The following THSD7B variants were observed in gnomAD, a reference collection of about 807,000 sequenced individuals.
THSD7B encodes thrombospondin type 1 domain containing 7B, also known as thrombospondin type-1 domain-containing protein 7B.
Under a neutral mutation model 213.6 loss-of-function variants are expected in THSD7B, and 138 were observed. That is an observed-to-expected ratio of 0.65 (90% CI 0.56 to 0.74). The LOEUF (loss-of-function observed/expected upper bound fraction) is 0.74. Ranked by LOEUF, THSD7B falls within the 30% of genes least tolerant of loss-of-function variation. The pLI is 0.00. For synonymous variants in THSD7B, 742 were observed against 687.0 expected (o/e 1.08, Z -1.25); for missense variants, 1,931 against 1,991.5 (o/e 0.97, Z 0.58).
intron 20 of THSD7B, among the ~76,000 whole-genome samples, chr2:137,635,281 T>A (rs140821995): frequency 1.3e-5 from 2 of 152,314 alleles, no homozygotes; most frequent in East Asian, 1.9e-4. Flanking sequence ...TTCAGCATAT[T>A]GTCCATATTT....
chr2:137,293,427 C>T (rs1322664614), intron 12 of THSD7B, among the ~76,000 whole-genome samples: 1 of 152,096 alleles, frequency 6.6e-6, no homozygotes, highest in African/African-American at 2.4e-5. Flanking sequence ...GGGTGACCCA[C>T]CATGCTGGGT....
chr2:137,410,549 G>T (rs1686631453), intron 13 of THSD7B, among the ~76,000 whole-genome samples: 1 of 152,142 alleles, frequency 6.6e-6, no homozygotes, highest in Admixed American at 6.5e-5. Flanking sequence ...GATTACAGAT[G>T]TGAGCCACCA....
chr2:136,971,639 T>C (rs5834527), intron 2 of THSD7B, among the ~76,000 whole-genome samples: 9 of 135,354 alleles, frequency 6.6e-5, no homozygotes, highest in East Asian at 2.2e-4. Context: ...CAACAACAAA[T>C]ACACACACAC....
intron 14 of THSD7B, among the ~76,000 whole-genome samples, chr2:137,428,344 T>A (rs1687104282): frequency 6.6e-6 from 1 of 152,160 alleles, no homozygotes; most frequent in Admixed American, 6.5e-5. Flanking sequence ...TCTCATACAT[T>A]GCTCGTGAGA....
chr2:136,921,307 C>T (rs1684434629), intron 2 of THSD7B, among the ~76,000 whole-genome samples: 1 of 151,578 alleles, frequency 6.6e-6, no homozygotes, highest in South Asian at 2.1e-4. Context: ...CTATATATCT[C>T]TGGATATAAA....
chr2:136,943,567 T>C (rs1297644935), intron 2 of THSD7B, among the ~76,000 whole-genome samples: 1 of 152,220 alleles, frequency 6.6e-6, no homozygotes, highest in Non-Finnish European at 1.5e-5. Context: ...AAGCCTGTTA[T>C]TGGTCTATTC....
At chr2:137,523,388 CTT>C (rs1186804663) in intron 15 of THSD7B, among the ~76,000 whole-genome samples, 6 of 152,124 alleles carry the variant, frequency 3.9e-5, no homozygotes, top group Non-Finnish European at 8.8e-5. Flanking sequence ...TTAGGAGAAA[CTT>C]ATATATTACT....
In THSD7B at chr2:136,970,855, A is replaced by G. The variant is rs143288186; in HGVS notation, c.140-85565A>G. Reference sequence around the variant, plus strand: ...ACAAAGCAATGGGAATAAAGATGGCATTGGATTTCTGGATAGCAAGTTTGG... The same window carrying G: ...ACAAAGCAATGGGAATAAAGATGGCGTTGGATTTCTGGATAGCAAGTTTGG... On this transcript the variant is annotated intron_variant, in intron 2 of 27. Coordinates refer to ENST00000409968, the MANE Select transcript of THSD7B (RefSeq NM_001316349.2). Among the ~76,000 whole-genome samples the G allele has an allele frequency of 2.6e-5, 4 of 152,344 alleles. No individual in the cohort carries two copies. In the East Asian group the frequency reaches 7.7e-4, roughly 29 times the overall value.
intron 17 of THSD7B, among the ~76,000 whole-genome samples, chr2:137,598,131 T>G (rs543806956): frequency 2.0e-5 from 3 of 152,244 alleles, no homozygotes; most frequent in African/African-American, 7.2e-5. Context: ...TATGCACATA[T>G]GCATATTTTT....
intron 5 of THSD7B, among the ~76,000 whole-genome samples, chr2:137,157,871 G>A (rs1282795945): frequency 6.6e-6 from 1 of 152,210 alleles, no homozygotes; most frequent in East Asian, 1.9e-4. Flanking sequence ...TTAAACATCA[G>A]CTTACATGGC....
chr2:137,365,829 G>A (rs1685394259), intron 12 of THSD7B, among the ~76,000 whole-genome samples: 1 of 152,196 alleles, frequency 6.6e-6, no homozygotes, highest in East Asian at 1.9e-4. Flanking sequence ...GGAAGTCAGT[G>A]TGGCGATCCC....
Position 137,601,402 on chromosome 2 carries a change from A to C in THSD7B, c.3424-14773A>C, listed in dbSNP as rs758849551. Among the ~76,000 whole-genome samples the C allele has an allele frequency of 1.4e-4, 21 of 152,126 alleles. 1 individual carries two copies. The highest frequency in any genetic ancestry group is 1.3e-4 in the Non-Finnish European group (9 of 68,020). On this transcript the variant is annotated intron_variant, in intron 17 of 27. Coordinates refer to ENST00000409968, the MANE Select transcript of THSD7B (RefSeq NM_001316349.2). ...ATGTTACTCTACCTTTTTTATTTTT[A>C]GGTGTATTTAGATACAGAAATACCA...
chr2:137,313,430 C>T (rs1294474776), intron 12 of THSD7B, among the ~76,000 whole-genome samples: 3 of 128,134 alleles, frequency 2.3e-5, no homozygotes, highest in African/African-American at 8.4e-5. Context: ...TTCCTGAATA[C>T]AGCACACTGA....
intron 1 of THSD7B, among the ~76,000 whole-genome samples, chr2:136,842,122 C>T (rs1682930006): frequency 6.6e-6 from 1 of 152,138 alleles, no homozygotes; most frequent in Admixed American, 6.5e-5. Flanking sequence ...GATTTAAGGA[C>T]AACTGTTTTT....
At chr2:137,198,724 A>G (rs2105021982) in intron 7 of THSD7B, among the ~76,000 whole-genome samples, 1 of 152,320 alleles carries the variant, frequency 6.6e-6, no homozygotes, top group East Asian at 1.9e-4. Flanking sequence ...ATTTCTGTGG[A>G]TTCTCATGAA....
intron 14 of THSD7B, among the ~76,000 whole-genome samples, chr2:137,418,879 T>A (rs1686857772): frequency 1.3e-5 from 2 of 151,948 alleles, no homozygotes; most frequent in South Asian, 4.2e-4. Context: ...TTCTGTATAG[T>A]GGCTGAATAA....
intron 1 of THSD7B, among the ~76,000 whole-genome samples, chr2:136,810,184 C>G (rs1450640004): frequency 6.6e-6 from 1 of 152,164 alleles, no homozygotes; most frequent in Non-Finnish European, 1.5e-5. Flanking sequence ...TGCCTGAGTT[C>G]ATGGCCCATG....
At position 137,303,726 on chromosome 2, in the gene THSD7B, A is replaced by ATT. The variant is rs1558749694; in HGVS notation, c.2500+27702_2500+27703dup. Among the ~76,000 whole-genome samples, 24 of 137,786 alleles carry ATT rather than the reference A, an allele frequency of 1.7e-4. 1 individual carries two copies. Among genetic ancestry groups the ATT allele is most frequent in the African/African-American group, 6.6e-4 (23 of 34,676 alleles). The allele number at this position is 137,786 out of a possible 152,430, so 90.4% of individuals were successfully genotyped here. On this transcript the variant is annotated intron_variant, in intron 12 of 27. Transcript: ENST00000409968. ...TATTTATATATATATTTATATATATATTTATATATATATTTATATATATAT... is the reference window on the plus strand; with the variant it reads ...TATTTATATATATATTTATATATATATTTTTATATATATATTTATATATATAT...
rs141108634 is a variant in THSD7B, at chr2:137,442,924, C to T, written c.2960-7921C>T. ...TGGAGCCACAGTTCTAAGAATTACT[C>T]GGTAATATTGGGTTATTTAAATCTG... On this transcript the variant is annotated intron_variant, in intron 14 of 27. Coordinates refer to ENST00000409968, the MANE Select transcript of THSD7B (RefSeq NM_001316349.2). Among the ~76,000 whole-genome samples, 502 of 152,196 alleles carry T rather than the reference C, an allele frequency of 3.3e-3. 5 individuals are homozygous for T. Among genetic ancestry groups the T allele is most frequent in the Admixed American group, 0.027 (406 of 15,282 alleles).
Sources: gnomAD v4.1 joint callset for allele counts (sites outside exome capture counted in the v4.1 genomes callset) on GRCh38, gnomAD v4.1.1 for gene constraint, MANE v1.5 for transcripts, NCBI Gene and HGNC (gene_info 2026-07-23, HGNC 2026-07-21) for gene names.